Variants in TMEM178B observed in about 807,000 individuals in gnomAD.
TMEM178B encodes transmembrane protein 178B.
A neutral mutation model predicts 31.0 loss-of-function variants in TMEM178B; 5 were observed. The observed-to-expected ratio is 0.16, with a 90% CI of 0.08 to 0.34. TMEM178B has a LOEUF of 0.34. Ranked by LOEUF, TMEM178B falls within the 10% of genes least tolerant of loss-of-function variation. TMEM178B has a pLI of 1.00. For synonymous variants in TMEM178B, 164 were observed against 164.0 expected (o/e 1.00, Z 0.00); for missense variants, 275 against 400.3 (o/e 0.69, Z 2.67).
Position 141,361,002 on chromosome 7 carries a change from A to G in TMEM178B, c.497-76606A>G, listed in dbSNP as rs183578671. ...CACTCAGCCAGAAGAGGCCTCCAAG[A>G]AGGGAACAATCAATGAATAGGTCTT... On this transcript the variant is annotated intron_variant, in intron 2 of 3. Coordinates refer to ENST00000565468, the MANE Select transcript of TMEM178B (RefSeq NM_001195278.2). Among the ~76,000 whole-genome samples, 242 of 152,310 alleles carry G rather than the reference A, an allele frequency of 1.6e-3. 1 individual carries two copies. Among genetic ancestry groups the G allele is most frequent in the Non-Finnish European group, 3.1e-3 (212 of 68,022 alleles).
rs7805034 is a variant in TMEM178B at position 141,099,680 on chromosome 7, G to C, written c.382+24988G>C. Among the ~76,000 whole-genome samples the C allele has an allele frequency of 1.2e-3, 190 of 152,044 alleles. 1 individual carries two copies. The highest frequency in any genetic ancestry group is 4.5e-3 in the African/African-American group (186 of 41,432). On this transcript the variant is annotated intron_variant, in intron 1 of 3. Coordinates refer to ENST00000565468, the MANE Select transcript of TMEM178B (RefSeq NM_001195278.2). The stretch of plus-strand genomic sequence containing the variant: ...TCTTATGTATCAACTGCATTCATGC[G>C]TTATGGTCCTTAATCACAGCTTAGG...
intron 1 of TMEM178B, among the ~76,000 whole-genome samples, chr7:141,184,567 A>G (rs1796578319): frequency 6.6e-6 from 1 of 152,074 alleles, no homozygotes; most frequent in Non-Finnish European, 1.5e-5. Context: ...CTGCTCTCCT[A>G]GTCAATTTCA....
chr7:141,493,289 G>T, the TMEM178B span, among the ~76,000 whole-genome samples: 1 of 152,210 alleles, frequency 6.6e-6, no homozygotes, highest in Non-Finnish European at 1.5e-5. Flanking sequence ...CTTGCTATGT[G>T]TAAGTGAGAA....
chr7:141,211,231 T>C (rs1797047844), intron 1 of TMEM178B, among the ~76,000 whole-genome samples: 1 of 151,852 alleles, frequency 6.6e-6, no homozygotes, highest in Non-Finnish European at 1.5e-5. Context: ...GGCAGAAAAG[T>C]TGAAAAATGG....
At chr7:141,485,017 G>C (rs1424221671), downstream of TMEM178B, among the ~76,000 whole-genome samples, 1 of 152,140 alleles carries the variant, frequency 6.6e-6, no homozygotes, top group Non-Finnish European at 1.5e-5. Flanking sequence ...TGGTTTTTAG[G>C]GTAAGTACCA....
intron 3 of TMEM178B, among the ~76,000 whole-genome samples, chr7:141,447,639 C>G (rs1801784839): frequency 6.6e-6 from 1 of 152,120 alleles, no homozygotes; most frequent in South Asian, 2.1e-4. Flanking sequence ...ATCAACCTCT[C>G]TGGCTATGTC....
At chr7:141,448,677 A>G (rs1360455719) in intron 3 of TMEM178B, among the ~76,000 whole-genome samples, 2 of 152,100 alleles carry the variant, frequency 1.3e-5, no homozygotes, top group Non-Finnish European at 2.9e-5. Context: ...CTCACTTAGG[A>G]TGAGTGATTT....
intron 2 of TMEM178B, among the ~76,000 whole-genome samples, chr7:141,214,063 C>A (rs1797092805): frequency 6.6e-6 from 1 of 152,202 alleles, no homozygotes; most frequent in African/African-American, 2.4e-5. Context: ...CTTAGAGACA[C>A]TAGTCATCAG....
intron 2 of TMEM178B, among the ~76,000 whole-genome samples, chr7:141,321,826 T>TAA (rs1467601143): frequency 1.4e-5 from 2 of 145,812 alleles, no homozygotes; most frequent in South Asian, 2.1e-4. Flanking sequence ...TGTCCAACAT[T>TAA]AAAAAAAAAA....
intron 2 of TMEM178B, among the ~76,000 whole-genome samples, chr7:141,425,825 G>A (rs1801304749): frequency 6.6e-6 from 1 of 152,138 alleles, no homozygotes; most frequent in South Asian, 2.1e-4. Flanking sequence ...GCAATTCTCT[G>A]ATCCGGAGGT....
At chr7:141,136,699 C>T (rs1795681018) in intron 1 of TMEM178B, among the ~76,000 whole-genome samples, 1 of 151,952 alleles carries the variant, frequency 6.6e-6, no homozygotes, top group Non-Finnish European at 1.5e-5. Context: ...ACAAAAAGCC[C>T]AATCCCATTA....
At chr7:141,511,206 G>A in the TMEM178B span, among the ~76,000 whole-genome samples, 1 of 151,116 alleles carries the variant, frequency 6.6e-6, no homozygotes, top group Non-Finnish European at 1.5e-5. Context: ...TTCAATTGAG[G>A]TGGCTTTAGT....
intron 2 of TMEM178B, among the ~76,000 whole-genome samples, chr7:141,405,739 A>G (rs1800874262): frequency 6.6e-6 from 1 of 152,178 alleles, no homozygotes; most frequent in Admixed American, 6.5e-5. Flanking sequence ...GAAAGGGTCT[A>G]CAAAAAAGGA....
At chr7:141,203,530 C>G (rs1178230062) in intron 1 of TMEM178B, among the ~76,000 whole-genome samples, 2 of 152,208 alleles carry the variant, frequency 1.3e-5, no homozygotes, top group Admixed American at 1.3e-4. Context: ...GTATTGAGTT[C>G]CTTCCATGTA....
At chr7:141,294,213 A>C (rs1396763688) in intron 2 of TMEM178B, among the ~76,000 whole-genome samples, 1 of 152,202 alleles carries the variant, frequency 6.6e-6, no homozygotes, top group Non-Finnish European at 1.5e-5. Context: ...GGAAACTGCA[A>C]ATGTGGTCTA....
rs1462933887 is a variant in TMEM178B at position 141,203,921 on chromosome 7, G to A, written c.383-8670G>A. On this transcript the variant is annotated intron_variant, in intron 1 of 3. Coordinates refer to ENST00000565468, the MANE Select transcript of TMEM178B (RefSeq NM_001195278.2). The stretch of plus-strand genomic sequence containing the variant: ...CAGTAGTGTGTCCTGGACTAATAGA[G>A]TCTATCCCTTTGCCTGTAGATGGGT... Among the ~76,000 whole-genome samples the A allele has an allele frequency of 3.9e-5, 6 of 152,198 alleles. No individual in the cohort carries two copies. In the South Asian group the frequency reaches 8.3e-4, roughly 21 times the overall value.
chr7:141,353,191 A>G (rs1352946384), intron 2 of TMEM178B, among the ~76,000 whole-genome samples: 9 of 152,162 alleles, frequency 5.9e-5, no homozygotes, highest in South Asian at 2.1e-4. Context: ...CTCTGCCAAC[A>G]TATCGGCTGA....
At chr7:141,122,785 T>C (rs1795430459) in intron 1 of TMEM178B, among the ~76,000 whole-genome samples, 1 of 152,242 alleles carries the variant, frequency 6.6e-6, no homozygotes, top group Non-Finnish European at 1.5e-5. Flanking sequence ...ACTTTTCTTC[T>C]TTGTAAATCT....
chr7:141,422,922 G>A lies in TMEM178B; in HGVS notation c.497-14686G>A, dbSNP rs1242413052. Among the ~76,000 whole-genome samples, 1 of 152,156 alleles carries A rather than the reference G, an allele frequency of 6.6e-6. No homozygotes were observed. The highest frequency in any genetic ancestry group is 2.4e-5 in the African/African-American group (1 of 41,442). ...TAGCAAGCTCTACACAAGGTCTCACGCCTCTCTTTAGAACAGTGCTGTCCC... is the reference window on the plus strand; with the variant it reads ...TAGCAAGCTCTACACAAGGTCTCACACCTCTCTTTAGAACAGTGCTGTCCC... On this transcript the variant is annotated intron_variant, in intron 2 of 3. Coordinates refer to ENST00000565468, the MANE Select transcript of TMEM178B (RefSeq NM_001195278.2). This position sits in a 1 kb window ranked among gnomAD's most constrained non-coding sequence, Gnocchi z 4.2.
Sources: allele counts gnomAD v4.1 joint callset (sites outside exome capture counted in the v4.1 genomes callset), GRCh38; gene constraint gnomAD v4.1.1; non-coding constraint Gnocchi (gnomAD v3.1); transcripts MANE v1.5; gene names NCBI Gene and HGNC (gene_info 2026-07-23, HGNC 2026-07-21).